The following IL15RA variants were observed in gnomAD, a reference collection of about 807,000 sequenced individuals.
IL15RA encodes the protein interleukin 15 receptor subunit alpha, also known as interleukin-15 receptor subunit alpha.
A neutral mutation model predicts 24.2 loss-of-function variants in IL15RA; 26 were observed. That is an observed-to-expected ratio of 1.07 (90% confidence interval 0.79 to 1.49). The LOEUF (loss-of-function observed/expected upper bound fraction) is 1.49. IL15RA is among the 40% of genes most tolerant of loss of function. IL15RA has a pLI of 0.00. For synonymous variants in IL15RA, 166 were observed against 157.6 expected (o/e 1.05, Z -0.40); for missense variants, 354 against 356.4 (o/e 0.99, Z 0.05).
Position 5,960,711 on chromosome 10 carries a change from T to A in IL15RA, c.383-144A>T. 1 of 689,986 alleles carries A rather than the reference T, an allele frequency of 1.4e-6. No homozygotes were observed. The highest frequency in any genetic ancestry group is 2.6e-6 in the Non-Finnish European group (1 of 386,704). The allele number at this position is 689,986 out of a possible 1,614,324, so 42.7% of individuals were successfully genotyped here. On this transcript the variant is annotated intron_variant, in intron 3 of 6. Transcript: ENST00000379977. This position sits in a 1 kb window ranked among gnomAD's most constrained non-coding sequence, Gnocchi z 5.1. ...CACAGCCAACTGCTCCTTGAGAGGG[T>A]GACATAGCCGTTCCTCTGGAAGGGC...
At chr10:5,949,142 G>A (rs890170214), downstream of IL15RA, 4 of 451,758 alleles carry the variant, frequency 8.9e-6, no homozygotes, top group Non-Finnish European at 1.4e-5. The surrounding 1 kb of genome is among the most constrained non-coding windows in gnomAD (Gnocchi z 4.4). Context: ...GTCATTGGGA[G>A]GAGCCCAAAC....
rs747498365 is a variant in IL15RA at position 5,967,493 on chromosome 10, G to A, written c.89-1154C>T. Among the ~76,000 whole-genome samples, 1 of 152,170 alleles carries A rather than the reference G, an allele frequency of 6.6e-6. No individual in the cohort carries two copies. On this transcript the variant is annotated intron_variant, in intron 1 of 6. Transcript: ENST00000379977. The surrounding 1 kb of genome is among the most constrained non-coding windows in gnomAD (Gnocchi z 4.4). ...GTTGGGATTACAGGTGTGAGCCACC[G>A]CACCCGGCCAAGATCAGATCATTCC...
chr10:5,958,387 C>A lies in IL15RA; in HGVS notation c.616+1367G>T. 2.3e-6 allele frequency: 1 copy of A among 433,880 alleles called. No homozygotes were observed. Among genetic ancestry groups the A allele is most frequent in the Non-Finnish European group, 4.7e-6 (1 of 214,120 alleles). 26.9% of individuals were successfully genotyped at this position (433,880 alleles called of 1,614,324 possible). ...ATTTTTGAGTTAGAAATGGGATTTGCTTTTCGTCTTTTTTTTGAGACAGGG... is the reference window on the plus strand; with the variant it reads ...ATTTTTGAGTTAGAAATGGGATTTGATTTTCGTCTTTTTTTTGAGACAGGG... On this transcript the variant is annotated intron_variant, in intron 5 of 6. Coordinates refer to ENST00000379977, the MANE Select transcript of IL15RA (RefSeq NM_002189.4). The surrounding 1 kb of genome is among the most constrained non-coding windows in gnomAD (Gnocchi z 4.3).
intron 1 of IL15RA, among the ~76,000 whole-genome samples, chr10:5,972,174 G>A (rs1167696317): frequency 6.6e-6 from 1 of 152,088 alleles, no homozygotes; most frequent in Non-Finnish European, 1.5e-5. Context: ...TTTCCACCAT[G>A]CAGCTCCAGT....
rs1834967048 is a variant in IL15RA at position 5,958,724 on chromosome 10, A to G, written c.616+1030T>C. 6.6e-6 allele frequency among the ~76,000 whole-genome samples: 1 copy of G among 152,130 alleles called. No individual in the cohort carries two copies. Among genetic ancestry groups the G allele is most frequent in the Non-Finnish European group, 1.5e-5 (1 of 68,014 alleles). On this transcript the variant is annotated intron_variant, in intron 5 of 6. Coordinates refer to ENST00000379977, the MANE Select transcript of IL15RA (RefSeq NM_002189.4). This position sits in a 1 kb window ranked among gnomAD's most constrained non-coding sequence, Gnocchi z 4.3. ...AAACGATTCTAATCAATTAACTGCT[A>G]AAATGTCCAAAGTCACTTGATGTTT...
Position 5,965,929 on chromosome 10 carries a change from C to T in IL15RA, c.283+216G>A, listed in dbSNP as rs554848148. ...AGAAACGGGGTTTCACCATGTTGGC[C>T]GGGCTGATCTGGAACTCCTGACTTC... On this transcript the variant is annotated intron_variant, in intron 2 of 6. Transcript: ENST00000379977. The surrounding 1 kb of genome is among the most constrained non-coding windows in gnomAD (Gnocchi z 5.8). 2.4e-4 allele frequency among the ~76,000 whole-genome samples: 37 copies of T among 152,276 alleles called. No individual in the cohort carries two copies. Among genetic ancestry groups the T allele is most frequent in the Non-Finnish European group, 3.5e-4 (24 of 68,024 alleles).
downstream of IL15RA, chr10:5,948,956 C>T: frequency 4.2e-6 from 1 of 239,958 alleles, no homozygotes; most frequent in Non-Finnish European, 8.6e-6. Flanking sequence ...AAATACAAAT[C>T]ATATATAATG....
rs1837425691 is a variant in IL15RA at position 5,970,686 on chromosome 10, CTG to C, written c.89-4349_89-4348del. Among the ~76,000 whole-genome samples the C allele has an allele frequency of 6.6e-6, 1 of 151,742 alleles. No individual in the cohort carries two copies. Among genetic ancestry groups the C allele is most frequent in the Admixed American group, 6.6e-5 (1 of 15,254 alleles). ...AACTATATTGGTGATATTACTAACA[CTG>C]TTTCATTTTATTATTTTATTTTTAA... On this transcript the variant is annotated intron_variant, in intron 1 of 6. Coordinates refer to ENST00000379977, the MANE Select transcript of IL15RA (RefSeq NM_002189.4). The surrounding 1 kb of genome is among the most constrained non-coding windows in gnomAD (Gnocchi z 4.1).
rs1836730880 is a variant in IL15RA at position 5,967,233 on chromosome 10, T to A, written c.89-894A>T. Among the ~76,000 whole-genome samples, 2 of 152,034 alleles carry A rather than the reference T, an allele frequency of 1.3e-5. 1 individual carries two copies. Among genetic ancestry groups the A allele is most frequent in the South Asian group, 4.1e-4 (2 of 4,822 alleles). On this transcript the variant is annotated intron_variant, in intron 1 of 6. Coordinates refer to ENST00000379977, the MANE Select transcript of IL15RA (RefSeq NM_002189.4). This position sits in a 1 kb window ranked among gnomAD's most constrained non-coding sequence, Gnocchi z 4.4. ...CTTGCCTTTCTTTTTTGAGACGGAG[T>A]TTCACTCTGTCACCAGGCTGGAGTG...
At position 5,966,320 on chromosome 10, in the gene IL15RA, G is replaced by C. The variant is rs1238112339; in HGVS notation, c.108C>G (p.Pro36=). The part of the protein sequence containing the change: ...PATRGITCPP[P]MSVEHADIWV... ...AGATGTCTGCGTGTTCCACGGACAT[G>C]GGGGGAGGGCACGTGATGCCTGCGA... The change falls in exon 2 of 7, where the codon CCC becomes CCG. Residue 36 remains proline (P), a synonymous_variant. Coordinates refer to ENST00000379977, the MANE Select transcript of IL15RA (RefSeq NM_002189.4). This position sits in a 1 kb window ranked among gnomAD's most constrained non-coding sequence, Gnocchi z 6.4. 9 of 1,608,430 alleles carry C rather than the reference G, an allele frequency of 5.6e-6. No homozygotes were observed. Among genetic ancestry groups the C allele is most frequent in the Admixed American group, 1.7e-5 (1 of 59,922 alleles).
rs117788047 is a variant in IL15RA, at chr10:5,967,229, G to A, written c.89-890C>T. Among the ~76,000 whole-genome samples, 6 of 151,960 alleles carry A rather than the reference G, an allele frequency of 3.9e-5. No individual in the cohort carries two copies. Among genetic ancestry groups the A allele is most frequent in the African/African-American group, 1.5e-4 (6 of 41,374 alleles). On this transcript the variant is annotated intron_variant, in intron 1 of 6. Coordinates refer to ENST00000379977, the MANE Select transcript of IL15RA (RefSeq NM_002189.4). This position sits in a 1 kb window ranked among gnomAD's most constrained non-coding sequence, Gnocchi z 4.4. ...TTGCCTTGCCTTTCTTTTTTGAGAC[G>A]GAGTTTCACTCTGTCACCAGGCTGG...
In IL15RA at chr10:5,972,695, T is replaced by G. The variant is rs561372559; in HGVS notation, c.88+4710A>C. On this transcript the variant is annotated intron_variant, in intron 1 of 6. Coordinates refer to ENST00000379977, the MANE Select transcript of IL15RA (RefSeq NM_002189.4). ...TCTTCCCCATTCAATGACAACTACT[T>G]CTTGATCTTCTTCTAGTAAAAAAAT... 6.6e-5 allele frequency among the ~76,000 whole-genome samples: 10 copies of G among 152,342 alleles called. No homozygotes were observed. The East Asian group carries it at 1.9e-3, about 29-fold the overall frequency.
In IL15RA at chr10:5,960,623, G is replaced by C; in HGVS notation, c.383-56C>G. 6.8e-7 allele frequency: 1 copy of C among 1,462,824 alleles called. No homozygotes were observed. The highest frequency in any genetic ancestry group is 1.2e-5 in the South Asian group (1 of 85,692). The allele number at this position is 1,462,824 out of a possible 1,614,324, so 90.6% of individuals were successfully genotyped here. A position where few individuals can be genotyped will look rare whatever the true frequency, so the allele number is the denominator to read the frequency against. On this transcript the variant is annotated intron_variant, in intron 3 of 6. Transcript: ENST00000379977. The surrounding 1 kb of genome is among the most constrained non-coding windows in gnomAD (Gnocchi z 5.1). ...CAGTGTGCAGACTCCCCTCCTCTCA[G>C]CTGCAGCACGGGGTGATGTGGGAGC...
rs143692415 is a variant in IL15RA, at chr10:5,956,922, A to G, written c.617-468T>C. 2.1e-3 allele frequency among the ~76,000 whole-genome samples: 303 copies of G among 147,628 alleles called. 7 individuals are homozygous for G. In the East Asian group the frequency reaches 0.055, roughly 27 times the overall value. On this transcript the variant is annotated intron_variant, in intron 5 of 6. Transcript: ENST00000379977. ...TTTAGAAACAATAGCACACAGTGCCATTTTCCTTCCAATTTCATTTTTTTT... is the reference window on the plus strand; with the variant it reads ...TTTAGAAACAATAGCACACAGTGCCGTTTTCCTTCCAATTTCATTTTTTTT...
upstream of IL15RA, among the ~76,000 whole-genome samples, chr10:5,978,654 C>T (rs1463754803): frequency 6.6e-6 from 1 of 152,126 alleles, no homozygotes; most frequent in Admixed American, 6.5e-5. The surrounding 1 kb of genome is among the most constrained non-coding windows in gnomAD (Gnocchi z 5.2). Flanking sequence ...CAAGCACTTT[C>T]GGAGGCCAAG....
rs1031673275 is a variant in IL15RA at position 5,968,327 on chromosome 10, G to C, written c.89-1988C>G. Among the ~76,000 whole-genome samples the C allele has an allele frequency of 1.3e-5, 2 of 151,282 alleles. No individual in the cohort carries two copies. Among genetic ancestry groups the C allele is most frequent in the African/African-American group, 4.9e-5 (2 of 41,228 alleles). On this transcript the variant is annotated intron_variant, in intron 1 of 6. Transcript: ENST00000379977. The surrounding 1 kb of genome is among the most constrained non-coding windows in gnomAD (Gnocchi z 5.4). Reference sequence around the variant, plus strand: ...TCTGCTCTTGCTTCTGAAGGATCCTGTACCAGGCAGGCTGGGGGCAGGGTG... The same window carrying C: ...TCTGCTCTTGCTTCTGAAGGATCCTCTACCAGGCAGGCTGGGGGCAGGGTG...
rs949749419 is a variant in IL15RA at position 5,964,988 on chromosome 10, C to T, written c.284-1147G>A. Among the ~76,000 whole-genome samples the T allele has an allele frequency of 2.6e-5, 4 of 152,164 alleles. No homozygotes were observed. The highest frequency in any genetic ancestry group is 7.2e-5 in the African/African-American group (3 of 41,428). ...GTTCTGGGGGAGGAGGCTGAGCTAC[C>T]ACTACCAAGCCAGTGGCAATGTCCA... is the stretch of plus-strand genomic sequence containing the variant. On this transcript the variant is annotated intron_variant, in intron 2 of 6. Coordinates refer to ENST00000379977, the MANE Select transcript of IL15RA (RefSeq NM_002189.4). This position sits in a 1 kb window ranked among gnomAD's most constrained non-coding sequence, Gnocchi z 5.6.
At position 5,971,095 on chromosome 10, in the gene IL15RA, C is replaced by T. The variant is rs1339632745; in HGVS notation, c.89-4756G>A. On this transcript the variant is annotated intron_variant, in intron 1 of 6. Transcript: ENST00000379977. This position sits in a 1 kb window ranked among gnomAD's most constrained non-coding sequence, Gnocchi z 5.5. ...TTGAATTATACTTTCTATATATTCT[C>T]TCATAACATTGTTCCCTAGTTATTC... 2.0e-5 allele frequency among the ~76,000 whole-genome samples: 3 copies of T among 152,212 alleles called. No individual in the cohort carries two copies. Among genetic ancestry groups the T allele is most frequent in the African/African-American group, 4.8e-5 (2 of 41,450 alleles).
downstream of IL15RA, among the ~76,000 whole-genome samples, chr10:5,950,007 G>T (rs907449467): frequency 6.6e-6 from 1 of 151,866 alleles, no homozygotes; most frequent in Non-Finnish European, 1.5e-5. This position sits in a 1 kb window ranked among gnomAD's most constrained non-coding sequence, Gnocchi z 5.6. Context: ...GAGGCAGGAG[G>T]ATCACTTGAA....
Sources: allele counts gnomAD v4.1 joint callset (sites outside exome capture counted in the v4.1 genomes callset), GRCh38; gene constraint gnomAD v4.1.1; non-coding constraint Gnocchi (gnomAD v3.1); transcripts MANE v1.5; gene names NCBI Gene and HGNC (gene_info 2026-07-23, HGNC 2026-07-21).